TBPL1: variants seen among roughly 807,000 people sequenced by gnomAD.
TBPL1 encodes the protein TATA-box binding protein like 1.
TBPL1 carries 4 observed loss-of-function variants against 22.1 expected under a neutral mutation model. The observed-to-expected ratio is 0.18, with a 90% confidence interval of 0.09 to 0.41. The LOEUF (loss-of-function observed/expected upper bound fraction) is 0.41. Among genes scored for constraint, TBPL1 ranks in the 10% least tolerant of loss-of-function variants. TBPL1 has a pLI of 1.00. For synonymous variants in TBPL1, 64 were observed against 71.0 expected (o/e 0.90, Z 0.50); for missense variants, 115 against 222.3 (o/e 0.52, Z 3.07).
At chr6:133,964,480 T>C (rs1467875793) in intron 1 of TBPL1, among the ~76,000 whole-genome samples, 2 of 150,552 alleles carry the variant, frequency 1.3e-5, no homozygotes, top group African/African-American at 4.9e-5. Context: ...AGATGGAGTC[T>C]CACTCTGTCT....
intron 1 of TBPL1, among the ~76,000 whole-genome samples, chr6:133,970,401 T>C (rs1776198368): frequency 6.6e-6 from 1 of 152,204 alleles, no homozygotes; most frequent in South Asian, 2.1e-4. Flanking sequence ...GACATTCTTA[T>C]CTAACCTAAG....
rs1014380528 is a variant in TBPL1, at chr6:133,987,160, G to A, written c.*120G>A. On this transcript the variant is annotated 3_prime_UTR_variant, in exon 7 of 7. Transcript: ENST00000237264. Reference sequence around the variant, plus strand: ...GAAATAGACTCTTTTATTCATTCACGGCTACAGTGTAAGCTCCAGTCCCTT... The same window carrying A: ...GAAATAGACTCTTTTATTCATTCACAGCTACAGTGTAAGCTCCAGTCCCTT... 12 of 596,554 alleles carry A rather than the reference G, an allele frequency of 2.0e-5. No homozygotes were observed. The highest frequency in any genetic ancestry group is 3.1e-5 in the East Asian group (1 of 32,480). The allele number at this position is 596,554 out of a possible 1,614,324, so 37.0% of individuals were successfully genotyped here. A position where few individuals can be genotyped will look rare whatever the true frequency, so the allele number is the denominator to read the frequency against.
chr6:133,959,888 A>G (rs1457127490), intron 1 of TBPL1, among the ~76,000 whole-genome samples: 1 of 152,228 alleles, frequency 6.6e-6, no homozygotes, highest in Non-Finnish European at 1.5e-5. Context: ...AAATATGAAG[A>G]TGGAGATTTG....
intron 4 of TBPL1, among the ~76,000 whole-genome samples, chr6:133,983,789 A>G (rs1394908957): frequency 6.6e-6 from 1 of 152,010 alleles, no homozygotes; most frequent in Non-Finnish European, 1.5e-5. Flanking sequence ...TGTTAACAGC[A>G]TTATTTTCAG....
At chr6:133,968,277 A>G (rs2114347329) in intron 1 of TBPL1, among the ~76,000 whole-genome samples, 1 of 152,318 alleles carries the variant, frequency 6.6e-6, no homozygotes, top group East Asian at 1.9e-4. Context: ...TCAGAAAATG[A>G]CATGCTATCT....
chr6:133,985,883 GCT>G (rs1030583316), intron 6 of TBPL1: 2 of 152,034 alleles, frequency 1.3e-5, no homozygotes, highest in African/African-American at 4.8e-5. Flanking sequence ...CCTTCTTTCA[GCT>G]CTCTGTTTCT....
chr6:133,982,900 T>C lies in TBPL1; in HGVS notation c.282+20T>C. On this transcript the variant is annotated intron_variant, in intron 4 of 6. Transcript: ENST00000237264. Reference sequence around the variant, plus strand: ...TTTCAGGTAACGTTTTCAAATAGTATCTAAACTACAAATATTCAAGGACTT... The same window carrying C: ...TTTCAGGTAACGTTTTCAAATAGTACCTAAACTACAAATATTCAAGGACTT... 1.3e-6 allele frequency: 2 copies of C among 1,587,298 alleles called. No individual in the cohort carries two copies. Among genetic ancestry groups the C allele is most frequent in the South Asian group, 2.3e-5 (2 of 86,466 alleles).
chr6:133,985,668 TAAAG>T (rs1776506418), intron 6 of TBPL1, among the ~76,000 whole-genome samples: 1 of 152,072 alleles, frequency 6.6e-6, no homozygotes, highest in East Asian at 1.9e-4. Flanking sequence ...AAAAAAGAAT[TAAAG>T]AAAATGTCTT....
intron 1 of TBPL1, among the ~76,000 whole-genome samples, chr6:133,958,772 T>C (rs1313221433): frequency 2.6e-5 from 4 of 152,138 alleles, no homozygotes; most frequent in African/African-American, 9.6e-5. Context: ...TAGAGGTTTA[T>C]ATAAAATATA....
At chr6:133,969,168 GA>G (rs1266632964) in intron 1 of TBPL1, among the ~76,000 whole-genome samples, 1 of 150,252 alleles carries the variant, frequency 6.7e-6, no homozygotes, top group Non-Finnish European at 1.5e-5. Flanking sequence ...CAGTCATTCA[GA>G]AAATCAGTAT....
intron 1 of TBPL1, among the ~76,000 whole-genome samples, chr6:133,971,251 G>A (rs1016176863): frequency 9.9e-5 from 15 of 151,538 alleles, no homozygotes; most frequent in Non-Finnish European, 1.8e-4. Context: ...GTTCACTAAC[G>A]TCACAAATGA....
intron 1 of TBPL1, among the ~76,000 whole-genome samples, chr6:133,965,304 C>CAT (rs1562657750): frequency 6.6e-6 from 1 of 152,102 alleles, no homozygotes; most frequent in Non-Finnish European, 1.5e-5. Context: ...AGTAGGGGCA[C>CAT]ATATAAGACC....
chr6:133,960,112 T>C (rs928919618), intron 1 of TBPL1, among the ~76,000 whole-genome samples: 6 of 152,174 alleles, frequency 3.9e-5, no homozygotes, highest in African/African-American at 1.4e-4. Flanking sequence ...CCTAGGAAAG[T>C]TGTAATGAGC....
In TBPL1 at chr6:133,989,553, A is replaced by AT. The variant is rs1400730196; in HGVS notation, c.*2514dup. 1 of 152,168 alleles carries AT rather than the reference A, an allele frequency of 6.6e-6. No homozygotes were observed. Among genetic ancestry groups the AT allele is most frequent in the Admixed American group, 6.6e-5 (1 of 15,264 alleles). The allele number at this position is 152,168 out of a possible 1,614,324, so 9.4% of individuals were successfully genotyped here. On this transcript the variant is annotated 3_prime_UTR_variant, in exon 7 of 7. Coordinates refer to ENST00000237264, the MANE Select transcript of TBPL1 (RefSeq NM_004865.4). ...CTTCTCTTTCCAAAAACAAAAAACA[A>AT]TGCATGCTCTGATTTGCGTATGAAA...
chr6:133,979,180 G>C (rs1776366390), intron 1 of TBPL1, among the ~76,000 whole-genome samples: 1 of 152,142 alleles, frequency 6.6e-6, no homozygotes, highest in Non-Finnish European at 1.5e-5. Context: ...GAGGACAAAA[G>C]ACTTTGCCTT....
At chr6:133,980,962 ATTTTTTTTTTT>A (rs10713725) in intron 2 of TBPL1, among the ~76,000 whole-genome samples, 2 of 97,120 alleles carry the variant, frequency 2.1e-5, no homozygotes, top group Non-Finnish European at 4.0e-5. Flanking sequence ...TAATTAATTA[ATTTTTTTTTTT>A]TTTTTTTTTT....
intron 4 of TBPL1, 43 bp downstream of exon 4, chr6:133,982,923 C>T (rs781266208): frequency 3.9e-6 from 6 of 1,530,398 alleles, no homozygotes; most frequent in Non-Finnish European, 5.3e-6. Flanking sequence ...TATTCAAGGA[C>T]TTATTTTTAT....
chr6:133,953,180 C>T (rs1451664153), upstream of TBPL1: 1 of 152,662 alleles, frequency 6.6e-6, no homozygotes, highest in Non-Finnish European at 1.5e-5. Context: ...CTCTATGCTC[C>T]CCAGCGTCTA....
intron 1 of TBPL1, among the ~76,000 whole-genome samples, chr6:133,974,917 G>A (rs561361691): frequency 2.0e-4 from 31 of 152,268 alleles, no homozygotes; most frequent in African/African-American, 6.3e-4. Flanking sequence ...TTAGAATTAA[G>A]GGATAATGAA....
Sources: allele counts gnomAD v4.1 joint callset (sites outside exome capture counted in the v4.1 genomes callset), GRCh38; gene constraint gnomAD v4.1.1; transcripts MANE v1.5; gene names NCBI Gene and HGNC (gene_info 2026-07-23, HGNC 2026-07-21).